Variants in KCNMA1 observed in about 807,000 individuals in gnomAD.
KCNMA1 encodes the protein potassium calcium-activated channel subfamily M alpha 1.
A neutral mutation model predicts 140.0 loss-of-function variants in KCNMA1; 29 were observed. That is an observed-to-expected ratio of 0.21 (90% CI 0.15 to 0.28). KCNMA1 has a LOEUF of 0.28. KCNMA1 is among the 10% of genes least tolerant of loss of function. The pLI, the probability that KCNMA1 is intolerant of heterozygous loss-of-function variation, is 1.00. For missense variants in KCNMA1, 880 were observed against 1,602.2 expected (o/e 0.55, Z 7.70); for synonymous variants, 612 against 611.9 (o/e 1.00, Z 0.00).
At chr10:77,403,755 T>C in intron 2 of KCNMA1, 107 bp downstream of exon 2, 1 of 1,166,596 alleles carries the variant, frequency 8.6e-7, no homozygotes. Flanking sequence ...CACCTCCCAA[T>C]AGCCAGCCTC....
intron 1 of KCNMA1, among the ~76,000 whole-genome samples, chr10:77,427,019 C>A (rs2097018903): frequency 1.3e-5 from 2 of 152,242 alleles, no homozygotes; most frequent in South Asian, 4.1e-4. Flanking sequence ...TTGATTACAA[C>A]TCACTAAATT....
rs778736171 is a variant in KCNMA1 at position 77,637,478 on chromosome 10, A to AGAG, written c.162_164dup (p.Ser60dup). On this transcript the variant is annotated inframe_insertion, in exon 1 of 28. Coordinates refer to ENST00000286628, the MANE Select transcript of KCNMA1 (RefSeq NM_001161352.2). ...GCTCGTGGACCGAGGACGAGGAGGA[A>AGAG]GAGGAGGAGGAAGAAGAAGAAGAGG... 4 of 1,602,016 alleles carry AGAG rather than the reference A, an allele frequency of 2.5e-6. No homozygotes were observed. Among genetic ancestry groups the AGAG allele is most frequent in the Non-Finnish European group, 3.4e-6 (4 of 1,172,546 alleles).
intron 3 of KCNMA1, among the ~76,000 whole-genome samples, chr10:77,219,931 A>G (rs1394544200): frequency 2.0e-5 from 3 of 152,216 alleles, no homozygotes; most frequent in Non-Finnish European, 4.4e-5. Flanking sequence ...TAAGAACTTA[A>G]GTGTATCTTC....
intron 9 of KCNMA1, among the ~76,000 whole-genome samples, chr10:77,092,511 G>A (rs546151248): frequency 1.3e-5 from 2 of 152,308 alleles, no homozygotes; most frequent in South Asian, 4.1e-4. Context: ...TGAATCCAAT[G>A]CGTGGGTATC....
intron 2 of KCNMA1, among the ~76,000 whole-genome samples, chr10:77,313,300 G>A (rs755642708): frequency 2.6e-5 from 4 of 152,104 alleles, no homozygotes; most frequent in South Asian, 2.1e-4. Context: ...CAGGATTAGC[G>A]GTCTGCGGAA....
intron 16 of KCNMA1, among the ~76,000 whole-genome samples, chr10:77,021,873 G>A (rs1056429061): frequency 7.9e-5 from 12 of 152,296 alleles, no homozygotes; most frequent in Middle Eastern, 3.4e-3. Context: ...AAGAAATCTA[G>A]ATACATAAAG....
chr10:76,879,682 A>G (rs1181318084), intron 29 of KCNMA1, among the ~76,000 whole-genome samples: 2 of 152,170 alleles, frequency 1.3e-5, no homozygotes, highest in Non-Finnish European at 1.5e-5. Context: ...GGGCTGGTTA[A>G]AAAAGGTTGT....
chr10:77,091,975 T>C (rs1464429146), intron 9 of KCNMA1: 1 of 152,260 alleles, frequency 6.6e-6, no homozygotes, highest in Non-Finnish European at 1.5e-5. Flanking sequence ...ATCACCATTA[T>C]AGACTGTTAT....
At chr10:77,245,781 A>G (rs966167994) in intron 3 of KCNMA1, among the ~76,000 whole-genome samples, 1 of 152,180 alleles carries the variant, frequency 6.6e-6, no homozygotes, top group Non-Finnish European at 1.5e-5. Flanking sequence ...GAGTCTTTCT[A>G]CTTGGAAAGA....
At chr10:77,579,550 T>C (rs1175803137) in intron 1 of KCNMA1, among the ~76,000 whole-genome samples, 1 of 152,234 alleles carries the variant, frequency 6.6e-6, no homozygotes, top group Admixed American at 6.5e-5. Context: ...ATTGTTTTTT[T>C]CAACCATTTA....
chr10:77,627,745 G>GT (rs1317683404), intron 1 of KCNMA1, among the ~76,000 whole-genome samples: 2 of 152,204 alleles, frequency 1.3e-5, no homozygotes, highest in African/African-American at 4.8e-5. Context: ...ACAAGGACTA[G>GT]TGCAAACAGA....
At chr10:76,877,703 T>C, downstream of KCNMA1, 1 of 1,544,426 alleles carries the variant, frequency 6.5e-7, no homozygotes, top group Non-Finnish European at 8.8e-7. Flanking sequence ...ATGAAGTTTG[T>C]CAGGCTTTAA....
chr10:76,944,652 G>A lies in KCNMA1; in HGVS notation c.2902+121C>T, dbSNP rs747653641. 113 of 883,676 alleles carry A rather than the reference G, an allele frequency of 1.3e-4. 1 individual carries two copies. The highest frequency in any genetic ancestry group is 1.9e-4 in the Non-Finnish European group (103 of 541,566). 54.7% of individuals were successfully genotyped at this position (883,676 alleles called of 1,614,324 possible). A position where few individuals can be genotyped will look rare whatever the true frequency, so the allele number is the denominator to read the frequency against. ...CCCTTTGAAAGCCATCATGGTGACC[G>A]CAGGTTTCACTGCCAGGCAGGCTGA... On this transcript the variant is annotated intron_variant, in intron 23 of 27. Coordinates refer to ENST00000286628, the MANE Select transcript of KCNMA1 (RefSeq NM_001161352.2).
intron 20 of KCNMA1, among the ~76,000 whole-genome samples, chr10:76,966,684 G>T (rs1445591417): frequency 6.6e-6 from 1 of 152,096 alleles, no homozygotes; most frequent in East Asian, 1.9e-4. Context: ...GGAAAACTAC[G>T]GGAGGCTCCT....
chr10:77,591,310 T>C (rs906596536), intron 1 of KCNMA1, among the ~76,000 whole-genome samples: 6 of 152,214 alleles, frequency 3.9e-5, no homozygotes, highest in African/African-American at 1.4e-4. Flanking sequence ...GCAAGCCAGC[T>C]GTGTATAGAT....
chr10:77,117,539 C>CAAAAAAAAAAAAAAAAAAA (rs56926398), intron 6 of KCNMA1, among the ~76,000 whole-genome samples: 6 of 22,512 alleles, frequency 2.7e-4, no homozygotes, highest in Non-Finnish European at 3.3e-4. Flanking sequence ...GAGTCTATCT[C>CAAAAAAAAAAAAAAAAAAA]AAAAAAAAAA....
intron 1 of KCNMA1, among the ~76,000 whole-genome samples, chr10:77,604,110 C>T (rs1198513861): frequency 6.6e-6 from 1 of 152,240 alleles, no homozygotes; most frequent in Non-Finnish European, 1.5e-5. Context: ...GCCCTGTGTG[C>T]AGCAGGATGC....
chr10:76,961,692 A>G (rs554827257), intron 20 of KCNMA1, among the ~76,000 whole-genome samples: 13 of 152,268 alleles, frequency 8.5e-5, no homozygotes, highest in African/African-American at 3.1e-4. Flanking sequence ...ATCTTCAGCT[A>G]CCACCCCCCG....
At chr10:77,039,683 G>C (rs149930388) in intron 14 of KCNMA1, 46 bp from the exon 15 acceptor site, 100 of 1,198,662 alleles carry the variant, frequency 8.3e-5, no homozygotes, top group Non-Finnish European at 1.2e-4. Context: ...ATGACGGTGG[G>C]CTGTAAAAGG....
Sources: gnomAD v4.1 joint callset for allele counts (sites outside exome capture counted in the v4.1 genomes callset) on GRCh38, gnomAD v4.1.1 for gene constraint, MANE v1.5 for transcripts, NCBI Gene and HGNC (gene_info 2026-07-23, HGNC 2026-07-21) for gene names.